Variants in JAZF1 observed in about 807,000 individuals in gnomAD.
The protein encoded by JAZF1 is juxtaposed with another zinc finger protein 1.
A neutral mutation model predicts 26.4 loss-of-function variants in JAZF1; 8 were observed. The ratio of observed to expected loss-of-function variants is 0.30; its 90% CI spans 0.18 to 0.55. The LOEUF (loss-of-function observed/expected upper bound fraction) is 0.55. Among genes scored for constraint, JAZF1 ranks in the 20% least tolerant of loss-of-function variants. The pLI is 0.94. For synonymous variants in JAZF1, 126 were observed against 122.3 expected, an observed-to-expected ratio of 1.03 and a Z score of -0.20; for missense variants, 199 against 322.0, an observed-to-expected ratio of 0.62 and a Z score of 2.92.
chr7:27,904,219 C>A (rs1784211705), intron 2 of JAZF1, among the ~76,000 whole-genome samples: 1 of 152,222 alleles, frequency 6.6e-6, no homozygotes, highest in African/African-American at 2.4e-5. Flanking sequence ...TACATTTCAG[C>A]ATGCAACCAT....
intron 1 of JAZF1, among the ~76,000 whole-genome samples, chr7:28,082,127 G>A (rs1410229465): frequency 2.0e-5 from 3 of 152,170 alleles, no homozygotes; most frequent in Admixed American, 2.0e-4. Context: ...CTGGAGACTT[G>A]AAACTTTAGC....
At chr7:28,078,398 C>CTT (rs1784087251) in intron 1 of JAZF1, among the ~76,000 whole-genome samples, 1 of 152,224 alleles carries the variant, frequency 6.6e-6, no homozygotes, top group South Asian at 2.1e-4. Flanking sequence ...AAAATGCTCT[C>CTT]TAAGCTGGAA....
intron 2 of JAZF1, among the ~76,000 whole-genome samples, chr7:27,949,394 T>C (rs773198490): frequency 5.9e-5 from 9 of 152,202 alleles, no homozygotes; most frequent in Non-Finnish European, 1.3e-4. Flanking sequence ...ACTGTCAGCC[T>C]TTAGAGTGCA....
intron 1 of JAZF1, among the ~76,000 whole-genome samples, chr7:28,135,795 C>A (rs560506610): frequency 4.1e-4 from 62 of 152,232 alleles, no homozygotes; most frequent in African/African-American, 1.5e-3. Flanking sequence ...TATAAACAAG[C>A]TGGTGGTATT....
chr7:28,052,445 A>T (rs920578698), intron 1 of JAZF1, among the ~76,000 whole-genome samples: 1 of 152,326 alleles, frequency 6.6e-6, no homozygotes, highest in African/African-American at 2.4e-5. Context: ...TTTTGGAAGA[A>T]AGCAATCCCT....
chr7:27,941,263 T>C (rs1171285444), intron 2 of JAZF1, among the ~76,000 whole-genome samples: 3 of 152,228 alleles, frequency 2.0e-5, no homozygotes, highest in Non-Finnish European at 4.4e-5. Flanking sequence ...CATCTCAACA[T>C]AGCATCCCTT....
intron 1 of JAZF1, among the ~76,000 whole-genome samples, chr7:28,102,922 G>A (rs538161905): frequency 6.6e-6 from 1 of 152,198 alleles, no homozygotes; most frequent in Admixed American, 6.5e-5. Flanking sequence ...CACAGCCAGA[G>A]GACTCTCATG....
intron 3 of JAZF1, among the ~76,000 whole-genome samples, chr7:27,848,474 T>C (rs1783073365): frequency 6.6e-6 from 1 of 152,238 alleles, no homozygotes; most frequent in Admixed American, 6.5e-5. Flanking sequence ...GTAACTTTGA[T>C]GAAACCATTC....
chr7:27,888,974 G>A (rs949547213), intron 3 of JAZF1, among the ~76,000 whole-genome samples: 1 of 152,144 alleles, frequency 6.6e-6, no homozygotes, highest in African/African-American at 2.4e-5. Flanking sequence ...CAGTCCCACT[G>A]GATTCATCCC....
At chr7:28,087,056 C>T (rs1445296078) in intron 1 of JAZF1, among the ~76,000 whole-genome samples, 2 of 152,054 alleles carry the variant, frequency 1.3e-5, no homozygotes, top group African/African-American at 2.4e-5. Context: ...ACATTTTTAA[C>T]GTTATAAACA....
At chr7:28,126,764 T>C (rs1448211931) in intron 1 of JAZF1, among the ~76,000 whole-genome samples, 1 of 151,648 alleles carries the variant, frequency 6.6e-6, no homozygotes, top group Non-Finnish European at 1.5e-5. Context: ...AAGTCTGCCA[T>C]GTGAGGAAGA....
At chr7:28,140,137 C>T (rs572922531) in intron 1 of JAZF1, among the ~76,000 whole-genome samples, 10 of 148,012 alleles carry the variant, frequency 6.8e-5, no homozygotes, top group Admixed American at 6.1e-4. Flanking sequence ...GGCTGGAGTG[C>T]AGTGGCGTGA....
chr7:27,929,157 G>A (rs1190831538), intron 2 of JAZF1, among the ~76,000 whole-genome samples: 3 of 152,244 alleles, frequency 2.0e-5, no homozygotes, highest in Non-Finnish European at 4.4e-5. Context: ...AGTCTTCTAG[G>A]AGCCAGCTCC....
chr7:27,890,981 G>A (rs1204012281), intron 3 of JAZF1, among the ~76,000 whole-genome samples: 1 of 151,880 alleles, frequency 6.6e-6, no homozygotes, highest in Non-Finnish European at 1.5e-5. Context: ...GTAGAGATGG[G>A]GTTTCACCAT....
chr7:27,949,893 T>C (rs1160262426), intron 2 of JAZF1, among the ~76,000 whole-genome samples: 1 of 152,202 alleles, frequency 6.6e-6, no homozygotes, highest in African/African-American at 2.4e-5. Context: ...GTCTCAAGTT[T>C]ACCCCTCAGA....
chr7:28,178,508 A>G (rs572711182), intron 1 of JAZF1, among the ~76,000 whole-genome samples: 2 of 152,292 alleles, frequency 1.3e-5, no homozygotes, highest in East Asian at 3.9e-4. Context: ...GAAATTATTT[A>G]TTTATATTAC....
intron 3 of JAZF1, chr7:27,846,358 T>C: frequency 2.8e-6 from 1 of 355,158 alleles, no homozygotes. Context: ...CACGTATACG[T>C]GTACATATGT....
At chr7:27,965,562 A>G (rs60265915) in intron 2 of JAZF1, among the ~76,000 whole-genome samples, 6,535 of 152,288 alleles carry the variant, frequency 0.043, 481 homozygotes, top group African/African-American at 0.15. Flanking sequence ...AAAATGTTAT[A>G]TTTCTATATG....
intron 2 of JAZF1, among the ~76,000 whole-genome samples, chr7:27,926,375 A>G (rs1784601073): frequency 6.6e-6 from 1 of 152,216 alleles, no homozygotes; most frequent in South Asian, 2.1e-4. Flanking sequence ...GAGATGGTGA[A>G]AAAGAGCCAT....
Sources: allele counts gnomAD v4.1 joint callset (sites outside exome capture counted in the v4.1 genomes callset), GRCh38; gene constraint gnomAD v4.1.1; transcripts MANE v1.5; gene names NCBI Gene and HGNC (gene_info 2026-07-23, HGNC 2026-07-21).